Variants in HTR3B observed in about 807,000 individuals in gnomAD.
HTR3B encodes the protein 5-hydroxytryptamine receptor 3B.
Under a neutral mutation model 42.8 loss-of-function variants are expected in HTR3B, and 44 were observed. That is an observed-to-expected ratio of 1.03 (90% CI 0.81 to 1.32). The LOEUF is 1.32. Among genes scored for constraint, HTR3B ranks in the 40% most tolerant of loss-of-function variants. The pLI is 0.00. For missense variants in HTR3B, 527 were observed against 536.5 expected (o/e 0.98, Z 0.17); for synonymous variants, 203 against 209.0 (o/e 0.97, Z 0.25).
chr11:113,936,927 A>T (rs146260388), intron 6 of HTR3B, among the ~76,000 whole-genome samples: 125 of 152,282 alleles, frequency 8.2e-4, no homozygotes, highest in African/African-American at 3.0e-3. Flanking sequence ...ACACATTCGG[A>T]ATTAGATTGA....
chr11:113,911,019 G>A (rs1029161017), intron 2 of HTR3B, among the ~76,000 whole-genome samples: 16 of 149,692 alleles, frequency 1.1e-4, no homozygotes, highest in Non-Finnish European at 2.2e-4. Context: ...GTAGAGATGG[G>A]GTTTCACCGT....
intron 2 of HTR3B, among the ~76,000 whole-genome samples, chr11:113,928,463 C>T (rs902708281): frequency 1.3e-5 from 2 of 152,148 alleles, no homozygotes; most frequent in Non-Finnish European, 2.9e-5. Context: ...CAGTATTTGT[C>T]CTTCTGTGAC....
intron 2 of HTR3B, among the ~76,000 whole-genome samples, chr11:113,930,118 A>G (rs1165062070): frequency 3.3e-5 from 5 of 152,092 alleles, no homozygotes; most frequent in African/African-American, 9.7e-5. Context: ...CAAGCCTCTT[A>G]ATAGATATGT....
intron 1 of HTR3B, among the ~76,000 whole-genome samples, chr11:113,906,837 T>C (rs1949737951): frequency 2.0e-5 from 3 of 152,208 alleles, no homozygotes; most frequent in South Asian, 4.1e-4. Flanking sequence ...CATAAGTTTG[T>C]TGGGAACTTT....
rs1018934005 is a variant in HTR3B, at chr11:113,946,922, A to G, written c.*785A>G. 1.3e-5 allele frequency among the ~76,000 whole-genome samples: 2 copies of G among 152,196 alleles called. No homozygotes were observed. The highest frequency in any genetic ancestry group is 2.4e-5 in the African/African-American group (1 of 41,452). On this transcript the variant is annotated 3_prime_UTR_variant, in exon 9 of 9. Transcript: ENST00000260191. Reference sequence around the variant, plus strand: ...AATACAAAATAAGTCAGCACAGGTTATTATTCACTTGTTGTGATTCCCATG... The same window carrying G: ...AATACAAAATAAGTCAGCACAGGTTGTTATTCACTTGTTGTGATTCCCATG...
At chr11:113,915,614 G>C (rs1210479796) in intron 2 of HTR3B, among the ~76,000 whole-genome samples, 1 of 152,044 alleles carries the variant, frequency 6.6e-6, no homozygotes, top group East Asian at 1.9e-4. Flanking sequence ...TTCCATTTGG[G>C]GGCAATTATG....
chr11:113,932,510 T>A (rs1950046628), intron 5 of HTR3B, 52 bp downstream of exon 5: 1 of 1,362,570 alleles, frequency 7.3e-7, no homozygotes, highest in African/African-American at 1.4e-5. Context: ...ATAGGTGAAA[T>A]GATATTATAC....
At chr11:113,920,281 G>A (rs1174604251) in intron 2 of HTR3B, among the ~76,000 whole-genome samples, 1 of 152,182 alleles carries the variant, frequency 6.6e-6, no homozygotes, top group Non-Finnish European at 1.5e-5. Flanking sequence ...GCCCGCCTCA[G>A]CCTCCCAAAG....
intron 2 of HTR3B, among the ~76,000 whole-genome samples, chr11:113,917,166 C>T (rs1949862641): frequency 6.7e-6 from 1 of 149,992 alleles, no homozygotes; most frequent in East Asian, 2.0e-4. Context: ...AAGTCTCACT[C>T]TTGTCCCCCA....
At chr11:113,910,003 A>G (rs1258315454) in intron 2 of HTR3B, among the ~76,000 whole-genome samples, 1 of 151,714 alleles carries the variant, frequency 6.6e-6, no homozygotes, top group East Asian at 1.9e-4. Context: ...AAAAAAAAAA[A>G]AAAAAAACTT....
chr11:113,920,161 T>C (rs1467544529), intron 2 of HTR3B, among the ~76,000 whole-genome samples: 1 of 151,022 alleles, frequency 6.6e-6, no homozygotes, highest in Non-Finnish European at 1.5e-5. Flanking sequence ...CCCGAGTAGC[T>C]GGGATTACAA....
At chr11:113,923,707 G>GA (rs1016655941) in intron 2 of HTR3B, among the ~76,000 whole-genome samples, 23 of 151,636 alleles carry the variant, frequency 1.5e-4, no homozygotes, top group African/African-American at 4.6e-4. Context: ...GGTATCTAAA[G>GA]AAAAAAAACA....
At chr11:113,945,022 C>T (rs1950166164) in intron 8 of HTR3B, among the ~76,000 whole-genome samples, 1 of 152,120 alleles carries the variant, frequency 6.6e-6, no homozygotes, top group African/African-American at 2.4e-5. Flanking sequence ...GCAGGCTGGT[C>T]TCGAACTCCT....
intron 2 of HTR3B, among the ~76,000 whole-genome samples, chr11:113,929,823 C>T (rs1350921257): frequency 6.6e-6 from 1 of 152,176 alleles, no homozygotes; most frequent in Non-Finnish European, 1.5e-5. Flanking sequence ...AGCTCTGCCT[C>T]CTGGGTTCAC....
intron 2 of HTR3B, among the ~76,000 whole-genome samples, chr11:113,930,775 C>A (rs1257761439): frequency 6.6e-6 from 1 of 152,294 alleles, no homozygotes; most frequent in Non-Finnish European, 1.5e-5. Context: ...AGGGACGAAC[C>A]ACTGTGCCCA....
At chr11:113,907,563 T>A (rs1352907208) in intron 1 of HTR3B, among the ~76,000 whole-genome samples, 1 of 152,194 alleles carries the variant, frequency 6.6e-6, no homozygotes, top group Non-Finnish European at 1.5e-5. Flanking sequence ...TCTCTTTTGT[T>A]CCTAGTCCTA....
chr11:113,938,287 A>T (rs1950107279), intron 6 of HTR3B, among the ~76,000 whole-genome samples: 1 of 152,166 alleles, frequency 6.6e-6, no homozygotes, highest in South Asian at 2.1e-4. Flanking sequence ...GTGCAAATTC[A>T]TTCAGCCGCA....
At chr11:113,905,583 C>CT (rs1042875050) in intron 1 of HTR3B, among the ~76,000 whole-genome samples, 4 of 151,990 alleles carry the variant, frequency 2.6e-5, no homozygotes, top group African/African-American at 7.2e-5. Context: ...GAAGTTAATA[C>CT]TTTTTTTTCT....
chr11:113,925,993 G>C (rs930349108), intron 2 of HTR3B, among the ~76,000 whole-genome samples: 1 of 152,050 alleles, frequency 6.6e-6, no homozygotes, highest in Non-Finnish European at 1.5e-5. Context: ...ACCTCAAAAA[G>C]AAGCCCTATA....
Sources: gnomAD v4.1 joint callset for allele counts (sites outside exome capture counted in the v4.1 genomes callset) on GRCh38, gnomAD v4.1.1 for gene constraint, MANE v1.5 for transcripts, NCBI Gene and HGNC (gene_info 2026-07-23, HGNC 2026-07-21) for gene names.